SLC35F3: variants seen among roughly 807,000 people sequenced by gnomAD.
SLC35F3 encodes the protein putative thiamine transporter SLC35F3.
SLC35F3 carries 25 observed loss-of-function variants against 49.9 expected under a neutral mutation model. That is an observed-to-expected ratio of 0.50 (90% CI 0.37 to 0.70). The LOEUF is 0.70. Among genes scored for constraint, SLC35F3 ranks in the 30% least tolerant of loss-of-function variants. The pLI is 0.00. For missense variants in SLC35F3, 525 were observed against 639.8 expected, an observed-to-expected ratio of 0.82 and a Z score of 1.94; for synonymous variants, 275 against 265.4, an observed-to-expected ratio of 1.04 and a Z score of -0.35.
At chr1:234,158,223 A>C (rs1666180300) in intron 2 of SLC35F3, among the ~76,000 whole-genome samples, 1 of 152,232 alleles carries the variant, frequency 6.6e-6, no homozygotes, top group African/African-American at 2.4e-5. Context: ...TATTGCTTCT[A>C]ACTAATCTGC....
intron 2 of SLC35F3, among the ~76,000 whole-genome samples, chr1:233,927,734 A>G (rs564270716): frequency 3.9e-5 from 6 of 152,226 alleles, no homozygotes; most frequent in South Asian, 2.1e-4. Flanking sequence ...AGTATGATCT[A>G]TGTCCATGAT....
chr1:234,176,512 C>T (rs1238072976), intron 2 of SLC35F3, among the ~76,000 whole-genome samples: 1 of 152,166 alleles, frequency 6.6e-6, no homozygotes, highest in African/African-American at 2.4e-5. Flanking sequence ...AAGCTGGTTC[C>T]TCTGACTTTG....
intron 2 of SLC35F3, among the ~76,000 whole-genome samples, chr1:234,229,940 T>C (rs1427390194): frequency 1.3e-5 from 2 of 152,228 alleles, no homozygotes; most frequent in Admixed American, 1.3e-4. Context: ...ATCTTCCTTT[T>C]TGTCCTCCAC....
intron 2 of SLC35F3, among the ~76,000 whole-genome samples, chr1:234,195,841 C>T (rs1666801564): frequency 6.6e-6 from 1 of 152,120 alleles, no homozygotes; most frequent in African/African-American, 2.4e-5. Flanking sequence ...ATAAGTCTCA[C>T]AAGATCTGAT....
At chr1:234,312,842 G>T (rs796145098) in intron 4 of SLC35F3, among the ~76,000 whole-genome samples, 5 of 148,400 alleles carry the variant, frequency 3.4e-5, no homozygotes, top group East Asian at 2.1e-4. Context: ...TTTGTTGTTT[G>T]TTTTTTTTAG....
intron 2 of SLC35F3, among the ~76,000 whole-genome samples, chr1:234,036,799 A>G (rs924921982): frequency 3.3e-5 from 5 of 152,342 alleles, no homozygotes; most frequent in Admixed American, 3.3e-4. Context: ...ATTCACTGCC[A>G]TCAATTTCTG....
At position 234,320,561 on chromosome 1, in the gene SLC35F3, C is replaced by T. The variant is rs1455738456; in HGVS notation, c.1237+374C>T. On this transcript the variant is annotated intron_variant, in intron 7 of 7. Transcript: ENST00000366618. The surrounding 1 kb of genome is among the most constrained non-coding windows in gnomAD (Gnocchi z 4.8). ...GAATGAATCTCATCAGCATTATTAA[C>T]AAATGTAGGAAATGATGTAGCAGAA... is the stretch of plus-strand genomic sequence containing the variant. Among the ~76,000 whole-genome samples the T allele has an allele frequency of 6.6e-6, 1 of 152,040 alleles. No individual in the cohort carries two copies. Among genetic ancestry groups the T allele is most frequent in the Non-Finnish European group, 1.5e-5 (1 of 68,006 alleles).
chr1:234,261,360 A>G (rs1211736980), intron 3 of SLC35F3, among the ~76,000 whole-genome samples: 1 of 152,212 alleles, frequency 6.6e-6, no homozygotes, highest in African/African-American at 2.4e-5. Context: ...GGAAAGGGGC[A>G]GGGAATTCCT....
intron 2 of SLC35F3, among the ~76,000 whole-genome samples, chr1:233,999,030 C>T (rs759718872): frequency 4.9e-4 from 74 of 152,278 alleles, no homozygotes; most frequent in African/African-American, 1.4e-3. Flanking sequence ...TCAATACAGA[C>T]GGCAGCTGTC....
chr1:233,970,706 A>C (rs933644975), intron 2 of SLC35F3, among the ~76,000 whole-genome samples: 2 of 152,224 alleles, frequency 1.3e-5, no homozygotes, highest in African/African-American at 4.8e-5. Context: ...TTAGGGACAG[A>C]GACATCAAGG....
At chr1:233,996,924 C>T (rs749005021) in intron 2 of SLC35F3, among the ~76,000 whole-genome samples, 15 of 151,992 alleles carry the variant, frequency 9.9e-5, no homozygotes, top group Non-Finnish European at 1.9e-4. Flanking sequence ...TGACCCCCCA[C>T]CCCTTACTCT....
chr1:234,256,958 C>G (rs1256653632), intron 3 of SLC35F3, among the ~76,000 whole-genome samples: 1 of 152,142 alleles, frequency 6.6e-6, no homozygotes, highest in African/African-American at 2.4e-5. Context: ...AGAAAGCTCT[C>G]CTTTCTAAAT....
intron 2 of SLC35F3, among the ~76,000 whole-genome samples, chr1:234,037,905 G>C (rs1009341296): frequency 2.0e-5 from 3 of 152,188 alleles, no homozygotes; most frequent in African/African-American, 7.2e-5. Flanking sequence ...GTCAGCTCAT[G>C]CAAAGGTTCC....
intron 2 of SLC35F3, among the ~76,000 whole-genome samples, chr1:234,105,113 G>C (rs1665265755): frequency 7.0e-6 from 1 of 142,660 alleles, no homozygotes; most frequent in Non-Finnish European, 1.5e-5. Flanking sequence ...GGGCGACAAT[G>C]TGAGACTCCG....
intron 2 of SLC35F3, among the ~76,000 whole-genome samples, chr1:234,198,734 T>C (rs1338315538): frequency 2.0e-5 from 3 of 152,208 alleles, no homozygotes; most frequent in African/African-American, 7.2e-5. Context: ...TTAACATGCC[T>C]CATTAACTTA....
chr1:234,034,591 G>T (rs1328150042), intron 2 of SLC35F3, among the ~76,000 whole-genome samples: 1 of 152,098 alleles, frequency 6.6e-6, no homozygotes, highest in Non-Finnish European at 1.5e-5. Context: ...CATGATCTCG[G>T]CTCACTGCAA....
intron 2 of SLC35F3, among the ~76,000 whole-genome samples, chr1:233,911,924 T>G (rs566938453): frequency 6.6e-6 from 1 of 152,322 alleles, no homozygotes; most frequent in South Asian, 2.1e-4. Flanking sequence ...AAAAAGAGTC[T>G]AGTCTAGTCT....
At chr1:234,217,606 G>C (rs1456291872) in intron 2 of SLC35F3, among the ~76,000 whole-genome samples, 1 of 151,934 alleles carries the variant, frequency 6.6e-6, no homozygotes, top group African/African-American at 2.4e-5. Context: ...CTTTCTGAGG[G>C]GAAGGCCTTT....
At chr1:233,961,594 T>C (rs1233743883) in intron 2 of SLC35F3, among the ~76,000 whole-genome samples, 1 of 151,942 alleles carries the variant, frequency 6.6e-6, no homozygotes, top group Non-Finnish European at 1.5e-5. Context: ...GTAGCTGGGA[T>C]AACAGGCGCA....
Sources: gnomAD v4.1 joint callset for allele counts (sites outside exome capture counted in the v4.1 genomes callset) on GRCh38, gnomAD v4.1.1 for gene constraint, Gnocchi (gnomAD v3.1) non-coding constraint, MANE v1.5 for transcripts, NCBI Gene and HGNC (gene_info 2026-07-23, HGNC 2026-07-21) for gene names.